Variants in RAB38 observed in about 807,000 individuals in gnomAD.
The protein encoded by RAB38 is RAB38, member RAS oncogene family, also known as ras-related protein Rab-38.
Under a neutral mutation model 18.4 loss-of-function variants are expected in RAB38, and 15 were observed. The observed-to-expected ratio is 0.82, with a 90% CI of 0.55 to 1.26. The LOEUF is 1.26. Ranked by LOEUF, RAB38 falls within the 50% of genes most tolerant of loss-of-function variation. The pLI is 0.00. For synonymous variants in RAB38, 101 were observed against 104.4 expected (o/e 0.97, Z 0.20); for missense variants, 294 against 267.4 (o/e 1.10, Z -0.69).
At chr11:87,844,654 C>T in the RAB38 span, among the ~76,000 whole-genome samples, 1 of 152,176 alleles carries the variant, frequency 6.6e-6, no homozygotes, top group South Asian at 2.1e-4. Context: ...TTTGGCCACT[C>T]TTGTCAATGA....
chr11:87,831,831 A>T, the RAB38 span, among the ~76,000 whole-genome samples: 2 of 152,228 alleles, frequency 1.3e-5, no homozygotes, highest in Admixed American at 1.3e-4. Flanking sequence ...TTAATGTGGC[A>T]GAAAATGGAT....
chr11:87,814,267 C>A, the RAB38 span, among the ~76,000 whole-genome samples: 1 of 151,960 alleles, frequency 6.6e-6, no homozygotes, highest in African/African-American at 2.4e-5. Flanking sequence ...GTGCTATGTC[C>A]GACGAATGAT....
chr11:87,937,709 C>G, the RAB38 span, among the ~76,000 whole-genome samples: 1 of 151,894 alleles, frequency 6.6e-6, no homozygotes, highest in Non-Finnish European at 1.5e-5. Context: ...TGCTGTTAAG[C>G]CCGTCTACTG....
the RAB38 span, among the ~76,000 whole-genome samples, chr11:87,912,058 T>A: frequency 6.6e-6 from 1 of 152,002 alleles, no homozygotes; most frequent in African/African-American, 2.4e-5. Context: ...TGGGATAAAC[T>A]TGGTCATGAT....
chr11:87,919,709 G>T, the RAB38 span, among the ~76,000 whole-genome samples: 1 of 151,938 alleles, frequency 6.6e-6, no homozygotes, highest in Non-Finnish European at 1.5e-5. Flanking sequence ...GTAGAATTCA[G>T]CATTGAAGCC....
intron 1 of RAB38, among the ~76,000 whole-genome samples, chr11:88,161,474 T>C (rs1943189167): frequency 6.6e-6 from 1 of 152,110 alleles, no homozygotes; most frequent in Non-Finnish European, 1.5e-5. Context: ...CTTATTATGC[T>C]GTGCATTCAT....
intron 1 of RAB38, among the ~76,000 whole-genome samples, chr11:88,159,814 A>G (rs1421958139): frequency 6.6e-6 from 1 of 152,076 alleles, no homozygotes; most frequent in Admixed American, 6.6e-5. Context: ...CTTTCACCAT[A>G]TAGAAACATT....
At chr11:87,977,551 TATA>T in the RAB38 span, among the ~76,000 whole-genome samples, 39 of 118,450 alleles carry the variant, frequency 3.3e-4, no homozygotes, top group Non-Finnish European at 4.9e-4. Context: ...TATTATATAA[TATA>T]ATTATATAAT....
the RAB38 span, among the ~76,000 whole-genome samples, chr11:87,874,082 T>C: frequency 1.3e-5 from 2 of 150,974 alleles, no homozygotes; most frequent in East Asian, 3.9e-4. Flanking sequence ...TTCGACAATA[T>C]TCTTTATGTG....
chr11:88,080,901 AAAT>A, the RAB38 span, among the ~76,000 whole-genome samples: 1 of 151,704 alleles, frequency 6.6e-6, no homozygotes, highest in African/African-American at 2.4e-5. Context: ...AGAAAGAAGA[AAAT>A]AAAATAATAA....
chr11:88,006,627 AT>A, the RAB38 span, among the ~76,000 whole-genome samples: 5 of 21,698 alleles, frequency 2.3e-4, no homozygotes, highest in Non-Finnish European at 5.4e-4. Context: ...TGTATATATA[AT>A]ATATATATAC....
chr11:88,113,870 A>G lies in RAB38; in HGVS notation c.*118T>C, dbSNP rs562685495. On this transcript the variant is annotated 3_prime_UTR_variant, in exon 3 of 3. Transcript: ENST00000243662. ...TCTCACTGAAAAAACAGAGGCATAG[A>G]TCTTTGGCTTGCCACATGTGGTATC... 1.8e-5 allele frequency: 22 copies of G among 1,205,654 alleles called. No homozygotes were observed. In the East Asian group the frequency reaches 5.2e-4, roughly 28 times the overall value. The allele number at this position is 1,205,654 out of a possible 1,614,324, so 74.7% of individuals were successfully genotyped here.
At chr11:88,020,033 G>A in the RAB38 span, among the ~76,000 whole-genome samples, 1 of 152,310 alleles carries the variant, frequency 6.6e-6, no homozygotes, top group East Asian at 1.9e-4. Context: ...AAATGGGTTA[G>A]AGAGAGCAGA....
At chr11:87,855,234 A>G in the RAB38 span, among the ~76,000 whole-genome samples, 1 of 152,210 alleles carries the variant, frequency 6.6e-6, no homozygotes, top group East Asian at 1.9e-4. Flanking sequence ...TTTCTTAAGA[A>G]TTAAAGTCAA....
intron 1 of RAB38, among the ~76,000 whole-genome samples, chr11:88,174,637 A>AAAAAAAAAAAAAAAAAAAAAAAAAAC (rs1555014231): frequency 2.2e-5 from 3 of 133,674 alleles, no homozygotes; most frequent in African/African-American, 5.5e-5. Context: ...AAAAAAAAAA[A>AAAAAAAAAAAAAAAAAAAAAAAAAAC]AAAACAAAAC....
the RAB38 span, among the ~76,000 whole-genome samples, chr11:87,810,504 G>A: frequency 1.3e-5 from 2 of 152,100 alleles, no homozygotes; most frequent in African/African-American, 4.8e-5. Context: ...ATTATTTTGT[G>A]TTATTCAACA....
the RAB38 span, among the ~76,000 whole-genome samples, chr11:87,804,549 A>G: frequency 1.3e-5 from 2 of 152,106 alleles, no homozygotes; most frequent in Non-Finnish European, 2.9e-5. Flanking sequence ...TCTTAGGCCC[A>G]TCTGCCTAGG....
chr11:87,858,870 G>T, the RAB38 span, among the ~76,000 whole-genome samples: 1 of 151,142 alleles, frequency 6.6e-6, no homozygotes, highest in Non-Finnish European at 1.5e-5. Context: ...TAAACCAATG[G>T]TGACAGTATA....
chr11:88,018,361 C>T, the RAB38 span, among the ~76,000 whole-genome samples: 5 of 152,140 alleles, frequency 3.3e-5, no homozygotes. Flanking sequence ...CATCTTTTCT[C>T]TCTACTGAAT....
Sources: allele counts gnomAD v4.1 joint callset (sites outside exome capture counted in the v4.1 genomes callset), GRCh38; gene constraint gnomAD v4.1.1; transcripts MANE v1.5; gene names NCBI Gene and HGNC (gene_info 2026-07-23, HGNC 2026-07-21).